The following DSCAM variants were observed in gnomAD, a reference collection of about 807,000 sequenced individuals.
The protein encoded by DSCAM is cell adhesion molecule DSCAM.
DSCAM carries 47 observed loss-of-function variants against 217.7 expected under a neutral mutation model. The ratio of observed to expected loss-of-function variants is 0.22; its 90% CI spans 0.17 to 0.28. The LOEUF (loss-of-function observed/expected upper bound fraction) is 0.28, where lower values mean the gene tolerates loss of function less well. Ranked by LOEUF, DSCAM falls within the 10% of genes least tolerant of loss-of-function variation. The pLI is 1.00. For synonymous variants in DSCAM, 1,056 were observed against 1,015.3 expected, an observed-to-expected ratio of 1.04 and a Z score of -0.76; for missense variants, 2,080 against 2,618.3, an observed-to-expected ratio of 0.79 and a Z score of 4.49.
chr21:40,421,453 T>C (rs749183931), intron 3 of DSCAM, among the ~76,000 whole-genome samples: 7 of 152,234 alleles, frequency 4.6e-5, no homozygotes, highest in Non-Finnish European at 7.3e-5. Flanking sequence ...CTTCTTAGCA[T>C]GCTCCTTTTT....
chr21:40,717,043 T>C (rs762119481), intron 1 of DSCAM, among the ~76,000 whole-genome samples: 4 of 152,126 alleles, frequency 2.6e-5, no homozygotes, highest in East Asian at 1.9e-4. Flanking sequence ...TATTAGGACA[T>C]TGAGTTGTCC....
At chr21:40,261,690 C>T (rs1340258771) in intron 11 of DSCAM, among the ~76,000 whole-genome samples, 1 of 146,134 alleles carries the variant, frequency 6.8e-6, no homozygotes, top group Non-Finnish European at 1.5e-5. Context: ...CACACACATT[C>T]TTATATAAGT....
intron 8 of DSCAM, 127 bp from the exon 9 acceptor site, chr21:40,312,486 G>A: frequency 1.9e-6 from 2 of 1,077,690 alleles, no homozygotes; most frequent in Non-Finnish European, 1.3e-6. Context: ...TACAGGAACT[G>A]TAGCAAATTT....
Position 40,218,655 on chromosome 21 carries a change from C to T in DSCAM, c.2357-29417G>A, listed in dbSNP as rs2091264894. On this transcript the variant is annotated intron_variant, in intron 11 of 32. Coordinates refer to ENST00000400454, the MANE Select transcript of DSCAM (RefSeq NM_001389.5). ...TTTTTTTTTCACTTGTTTGTGTCTT[C>T]CCTGATTTCTTTCAGTAGTGTTCTG... 3.3e-5 allele frequency among the ~76,000 whole-genome samples: 5 copies of T among 151,470 alleles called. No homozygotes were observed. In the South Asian group the frequency reaches 1.0e-3, roughly 32 times the overall value.
chr21:40,716,245 G>T (rs2090841530), intron 1 of DSCAM, among the ~76,000 whole-genome samples: 1 of 152,092 alleles, frequency 6.6e-6, no homozygotes, highest in Non-Finnish European at 1.5e-5. Flanking sequence ...TATTCCAACA[G>T]CTTTTGTTTC....
chr21:40,041,930 A>C (rs2088758545), intron 32 of DSCAM, among the ~76,000 whole-genome samples: 1 of 152,184 alleles, frequency 6.6e-6, no homozygotes, highest in Admixed American at 6.5e-5. Context: ...GCCCAATAGA[A>C]TATGACAGAA....
chr21:40,829,372 T>C (rs1287737566), intron 1 of DSCAM, among the ~76,000 whole-genome samples: 3 of 152,042 alleles, frequency 2.0e-5, no homozygotes, highest in Non-Finnish European at 4.4e-5. Flanking sequence ...ACTAGGGCAG[T>C]GAGGTAGATT....
rs143009266 is a variant in DSCAM, at chr21:40,804,350, C to T, written c.43+42269G>A. Among the ~76,000 whole-genome samples the T allele has an allele frequency of 4.9e-3, 740 of 152,266 alleles. 10 individuals are homozygous for T. Among genetic ancestry groups the T allele is most frequent in the African/African-American group, 0.016 (679 of 41,536 alleles). ...TCTGCAGGATGCTTTGGTTGCCTTC[C>T]GCATTCCAACCTTTCCCTGATGATT... On this transcript the variant is annotated intron_variant, in intron 1 of 32. Transcript: ENST00000400454.
At chr21:40,385,568 T>C (rs1364232665) in intron 3 of DSCAM, among the ~76,000 whole-genome samples, 3 of 152,204 alleles carry the variant, frequency 2.0e-5, no homozygotes, top group South Asian at 4.1e-4. Flanking sequence ...GAAATATATG[T>C]ATTGCATTGA....
At chr21:40,626,749 T>G (rs1004781599) in intron 3 of DSCAM, among the ~76,000 whole-genome samples, 1 of 152,240 alleles carries the variant, frequency 6.6e-6, no homozygotes, top group Non-Finnish European at 1.5e-5. Flanking sequence ...AGAGGGTTCA[T>G]TGCTACCAAG....
intron 1 of DSCAM, among the ~76,000 whole-genome samples, chr21:40,758,807 C>A (rs941918282): frequency 6.6e-6 from 1 of 152,134 alleles, no homozygotes; most frequent in Non-Finnish European, 1.5e-5. Context: ...TCCTCCCAGT[C>A]ATGACACACT....
chr21:40,784,136 G>C (rs1316388345), intron 1 of DSCAM, among the ~76,000 whole-genome samples: 1 of 151,638 alleles, frequency 6.6e-6, no homozygotes, highest in Non-Finnish European at 1.5e-5. Context: ...ACAAAAACAT[G>C]TGATATGGTT....
At position 40,399,269 on chromosome 21, in the gene DSCAM, CACAAAACAAAACAAA is replaced by C. The variant is rs74879612; in HGVS notation, c.509-30039_509-30025del. 2.4e-3 allele frequency among the ~76,000 whole-genome samples: 368 copies of C among 150,306 alleles called. 3 individuals are homozygous for C. Among genetic ancestry groups the C allele is most frequent in the African/African-American group, 6.6e-3 (270 of 40,784 alleles). On this transcript the variant is annotated intron_variant, in intron 3 of 32. Coordinates refer to ENST00000400454, the MANE Select transcript of DSCAM (RefSeq NM_001389.5). ...TGGGTGACAGAGGAAGACCCTGTCT[CACAAAACAAAACAAA>C]ACAAAACAAAACAAAACAAAACAAA... is the stretch of plus-strand genomic sequence containing the variant.
chr21:40,213,574 T>G (rs1020490320), intron 11 of DSCAM, among the ~76,000 whole-genome samples: 5 of 152,210 alleles, frequency 3.3e-5, no homozygotes, highest in Non-Finnish European at 5.9e-5. Flanking sequence ...TTTAAATTAT[T>G]ACATTTTTAT....
At chr21:40,659,113 A>G (rs2090108391) in intron 3 of DSCAM, among the ~76,000 whole-genome samples, 1 of 152,158 alleles carries the variant, frequency 6.6e-6, no homozygotes, top group South Asian at 2.1e-4. Flanking sequence ...CTGCCCCCAC[A>G]GATGTCACCA....
intron 1 of DSCAM, among the ~76,000 whole-genome samples, chr21:40,749,385 AAAT>A (rs1320366187): frequency 7.9e-5 from 12 of 152,318 alleles, no homozygotes; most frequent in African/African-American, 2.9e-4. Flanking sequence ...TCAAAAAAGC[AAAT>A]AATTAAATTT....
intron 1 of DSCAM, among the ~76,000 whole-genome samples, chr21:40,776,841 T>C (rs1352291167): frequency 1.3e-5 from 2 of 152,248 alleles, no homozygotes; most frequent in African/African-American, 2.4e-5. Context: ...TAATTCAAGA[T>C]GGTAGAATGA....
At chr21:40,396,667 ACTGCCACTG>A (rs1392009844) in intron 3 of DSCAM, among the ~76,000 whole-genome samples, 1 of 149,272 alleles carries the variant, frequency 6.7e-6, no homozygotes, top group African/African-American at 2.5e-5. Flanking sequence ...TACCCCTACT[ACTGCCACTG>A]CTGCTACTAC....
At chr21:40,381,496 C>T (rs534668291) in intron 3 of DSCAM, among the ~76,000 whole-genome samples, 2 of 152,106 alleles carry the variant, frequency 1.3e-5, no homozygotes, top group South Asian at 4.2e-4. Flanking sequence ...GCAACACATA[C>T]AAAAAGGAAA....
Sources: gnomAD v4.1 joint callset for allele counts (sites outside exome capture counted in the v4.1 genomes callset) on GRCh38, gnomAD v4.1.1 for gene constraint, MANE v1.5 for transcripts, NCBI Gene and HGNC (gene_info 2026-07-23, HGNC 2026-07-21) for gene names.